The following KLHL32 variants were observed in gnomAD, a reference collection of about 807,000 sequenced individuals.
KLHL32 encodes kelch like family member 32.
Under a neutral mutation model 64.8 loss-of-function variants are expected in KLHL32, and 35 were observed. That is an observed-to-expected ratio of 0.54 (90% CI 0.41 to 0.72). KLHL32 has a LOEUF of 0.72. Among genes scored for constraint, KLHL32 ranks in the 30% least tolerant of loss-of-function variants. The pLI is 0.00. For synonymous variants in KLHL32, 259 were observed against 281.0 expected (o/e 0.92, Z 0.78); for missense variants, 589 against 768.5 (o/e 0.77, Z 2.76).
chr6:96,989,191 G>T (rs1234310367), intron 3 of KLHL32, among the ~76,000 whole-genome samples: 1 of 152,140 alleles, frequency 6.6e-6, no homozygotes, highest in Non-Finnish European at 1.5e-5. Context: ...TTGCTTTATT[G>T]TATCAGTGGC....
At chr6:96,916,936 C>A in the KLHL32 span, among the ~76,000 whole-genome samples, 1 of 152,066 alleles carries the variant, frequency 6.6e-6, no homozygotes, top group Non-Finnish European at 1.5e-5. Flanking sequence ...TGGAAAAATG[C>A]ATAAAACACA....
chr6:96,986,493 G>C (rs1318634378), intron 3 of KLHL32, among the ~76,000 whole-genome samples: 1 of 152,186 alleles, frequency 6.6e-6, no homozygotes, highest in Non-Finnish European at 1.5e-5. Context: ...AGGCAGGCAG[G>C]CCTCCTTGAG....
intron 2 of KLHL32, among the ~76,000 whole-genome samples, chr6:96,967,879 G>T (rs1774642553): frequency 6.6e-6 from 1 of 152,156 alleles, no homozygotes; most frequent in African/African-American, 2.4e-5. Flanking sequence ...AAGGAGCTTG[G>T]CACATTCCAG....
At chr6:97,039,409 G>A (rs1784785754) in intron 3 of KLHL32, among the ~76,000 whole-genome samples, 1 of 152,160 alleles carries the variant, frequency 6.6e-6, no homozygotes, top group Non-Finnish European at 1.5e-5. Context: ...TAGGGAGGGG[G>A]AGGATGATGG....
chr6:97,062,760 C>A (rs758707717), intron 4 of KLHL32, among the ~76,000 whole-genome samples: 2 of 152,134 alleles, frequency 1.3e-5, no homozygotes, highest in African/African-American at 2.4e-5. Flanking sequence ...GAAACTTATA[C>A]TGAGCAGAGA....
chr6:97,065,194 G>A (rs755609084), intron 5 of KLHL32, among the ~76,000 whole-genome samples: 4 of 152,136 alleles, frequency 2.6e-5, no homozygotes, highest in Admixed American at 6.5e-5. Context: ...AGTAAATGCC[G>A]GAGAAGGGAT....
chr6:97,058,234 T>C lies in KLHL32; in HGVS notation c.313-6394T>C, dbSNP rs186722938. ...GTGTTGGCTATTTTGGGTCTTTTGCTTCTTCATATAAGCTTTAGAATCTGT... is the reference window on the plus strand; with the variant it reads ...GTGTTGGCTATTTTGGGTCTTTTGCCTCTTCATATAAGCTTTAGAATCTGT... On this transcript the variant is annotated intron_variant, in intron 4 of 10. Coordinates refer to ENST00000369261, the MANE Select transcript of KLHL32 (RefSeq NM_052904.4). Among the ~76,000 whole-genome samples the C allele has an allele frequency of 6.4e-4, 97 of 152,304 alleles. 1 individual carries two copies. The highest frequency in any genetic ancestry group is 2.3e-3 in the African/African-American group (96 of 41,574).
chr6:96,908,439 ATGT>A, the KLHL32 span, among the ~76,000 whole-genome samples: 1 of 152,188 alleles, frequency 6.6e-6, no homozygotes, highest in East Asian at 1.9e-4. Flanking sequence ...TGTCACATGA[ATGT>A]TATTAACAGG....
intron 7 of KLHL32, among the ~76,000 whole-genome samples, chr6:97,125,179 A>G (rs1364504675): frequency 2.0e-5 from 3 of 152,202 alleles, no homozygotes; most frequent in African/African-American, 4.8e-5. Flanking sequence ...CTAGTTAATA[A>G]TAGCCAAAGC....
In KLHL32 at chr6:96,976,052, A is replaced by G. The variant is rs1775655169; in HGVS notation, c.79A>G (p.Ser27Gly). The G allele has an allele frequency of 6.2e-7, 1 of 1,604,442 alleles. No individual in the cohort carries two copies. Among genetic ancestry groups the G allele is most frequent in the Non-Finnish European group, 8.5e-7 (1 of 1,173,014 alleles). Residue 27 changes from serine (S) to glycine (G), a missense_variant, in exon 3 of 11, where the codon AGT becomes GGT. Ser to Gly is a moderately conservative substitution (Grantham distance 56). Around this residue, in one of 3 missense-constraint regions of KLHL32, gnomAD observed 191 missense variants for 223.3 expected, o/e 0.86. Coordinates refer to ENST00000369261, the MANE Select transcript of KLHL32 (RefSeq NM_052904.4). ...RLCHSESHND[S>G]VLAALNQQRS... is the part of the protein sequence containing the mutation. ...CTGCCACTCCGAATCTCACAATGAC[A>G]GTGTCCTGGCAGCGCTGAATCAGCA... is the stretch of plus-strand genomic sequence containing the variant.
chr6:97,095,569 T>C (rs539262336), intron 6 of KLHL32, among the ~76,000 whole-genome samples: 1 of 152,334 alleles, frequency 6.6e-6, no homozygotes, highest in East Asian at 1.9e-4. Context: ...ACCCCATGTG[T>C]AGTCAGTATC....
the KLHL32 span, among the ~76,000 whole-genome samples, chr6:96,899,473 A>G: frequency 6.6e-6 from 1 of 152,254 alleles, no homozygotes; most frequent in Non-Finnish European, 1.5e-5. Flanking sequence ...TTCGGGCAGT[A>G]TGAAAAAGTA....
At chr6:96,960,488 C>A (rs1024437106) in intron 1 of KLHL32, among the ~76,000 whole-genome samples, 2 of 152,154 alleles carry the variant, frequency 1.3e-5, no homozygotes, top group African/African-American at 4.8e-5. Context: ...TAATAAACTT[C>A]TGTTTGTTTT....
chr6:96,994,362 C>A, intron 3 of KLHL32: 2 of 348,096 alleles, frequency 5.7e-6, no homozygotes, highest in Non-Finnish European at 8.0e-6. Flanking sequence ...TTTTATAGTT[C>A]CATTTATATT....
intron 5 of KLHL32, among the ~76,000 whole-genome samples, chr6:97,076,239 A>T (rs1791573255): frequency 2.6e-5 from 4 of 152,228 alleles, no homozygotes; most frequent in Admixed American, 2.6e-4. Flanking sequence ...CTCATAGAAA[A>T]ACAATGTCCA....
At chr6:97,033,708 A>G (rs965855555) in intron 3 of KLHL32, among the ~76,000 whole-genome samples, 1 of 152,060 alleles carries the variant, frequency 6.6e-6, no homozygotes, top group Non-Finnish European at 1.5e-5. Flanking sequence ...CTTTTTGGTA[A>G]TAATTATTCT....
chr6:97,093,567 G>T (rs1276175961), intron 6 of KLHL32, among the ~76,000 whole-genome samples: 1 of 152,200 alleles, frequency 6.6e-6, no homozygotes, highest in Non-Finnish European at 1.5e-5. Context: ...TAATGAGTGA[G>T]CCAGAAGTAG....
At chr6:97,060,978 A>G (rs537385631) in intron 4 of KLHL32, among the ~76,000 whole-genome samples, 1 of 152,250 alleles carries the variant, frequency 6.6e-6, no homozygotes, top group East Asian at 1.9e-4. Flanking sequence ...TACAAATTGC[A>G]GGAGATGTTC....
At chr6:96,906,954 G>T in the KLHL32 span, among the ~76,000 whole-genome samples, 1 of 152,126 alleles carries the variant, frequency 6.6e-6, no homozygotes, top group Non-Finnish European at 1.5e-5. Context: ...TATGACGTCT[G>T]TCTACAGCTC....
Sources: gnomAD v4.1 joint callset for allele counts (sites outside exome capture counted in the v4.1 genomes callset) on GRCh38, gnomAD v4.1.1 for gene constraint, gnomAD v4.1.1 regional missense constraint, MANE v1.5 for transcripts, NCBI Gene and HGNC (gene_info 2026-07-23, HGNC 2026-07-21) for gene names.